AGAP1: variants seen among roughly 807,000 people sequenced by gnomAD.
AGAP1 encodes the protein arf-GAP with GTPase, ANK repeat and PH domain-containing protein 1.
Under a neutral mutation model 105.3 loss-of-function variants are expected in AGAP1, and 29 were observed. The observed-to-expected ratio is 0.28, with a 90% CI of 0.21 to 0.38. The LOEUF is 0.38. Among genes scored for constraint, AGAP1 ranks in the 10% least tolerant of loss-of-function variants. The pLI is 1.00. For synonymous variants in AGAP1, 509 were observed against 485.9 expected (o/e 1.05, Z -0.63); for missense variants, 998 against 1,165.1 (o/e 0.86, Z 2.09).
Position 235,608,648 on chromosome 2 carries a change from A to T in AGAP1, c.164-100531A>T, listed in dbSNP as rs1462463656. Among the ~76,000 whole-genome samples, 1 of 152,168 alleles carries T rather than the reference A, an allele frequency of 6.6e-6. No individual in the cohort carries two copies. Among genetic ancestry groups the T allele is most frequent in the African/African-American group, 2.4e-5 (1 of 41,428 alleles). ...GGGTCCCAGGCCCAGAAAACAGTGG[A>T]GCCAAGAGAGGAACGAGGTCTCTGG... is the stretch of plus-strand genomic sequence containing the variant. On this transcript the variant is annotated intron_variant, in intron 1 of 17. Transcript: ENST00000304032. The surrounding 1 kb of genome is among the most constrained non-coding windows in gnomAD (Gnocchi z 5.4).
chr2:235,933,466 A>C (rs1461399203), intron 12 of AGAP1, among the ~76,000 whole-genome samples: 1 of 152,204 alleles, frequency 6.6e-6, no homozygotes, highest in Non-Finnish European at 1.5e-5. Context: ...GAAAGACAGC[A>C]GAATGGTGCA....
At chr2:235,761,929 GT>G (rs1298993725) in intron 6 of AGAP1, among the ~76,000 whole-genome samples, 2 of 151,996 alleles carry the variant, frequency 1.3e-5, no homozygotes, top group Admixed American at 1.3e-4. Flanking sequence ...GGCCAACATG[GT>G]GAAACCCCAT....
In AGAP1 at chr2:235,604,740, G is replaced by A. The variant is rs373524486; in HGVS notation, c.164-104439G>A. Among the ~76,000 whole-genome samples the A allele has an allele frequency of 7.9e-5, 12 of 151,136 alleles. No individual in the cohort carries two copies. The South Asian group carries it at 1.7e-3, about 21-fold the overall frequency. On this transcript the variant is annotated intron_variant, in intron 1 of 17. Coordinates refer to ENST00000304032, the MANE Select transcript of AGAP1 (RefSeq NM_001037131.3). ...TGGGACTACAGGCGCCCGCTACCAC[G>A]CCTGGCTAATTTTTTGTATTTTTAG...
chr2:235,784,615 AAC>A (rs1491064578), intron 6 of AGAP1, among the ~76,000 whole-genome samples: 18 of 147,582 alleles, frequency 1.2e-4, no homozygotes, highest in East Asian at 4.1e-4. Flanking sequence ...AAAAAAAAAA[AAC>A]CATGAAAAGT....
At chr2:235,595,187 G>C in intron 1 of AGAP1, among the ~76,000 whole-genome samples, 1 of 152,174 alleles carries the variant, frequency 6.6e-6, no homozygotes, top group East Asian at 1.9e-4. Context: ...CAGCCTCCAG[G>C]GGAAGGGGAG....
At chr2:235,670,323 A>C (rs1319743819) in intron 1 of AGAP1, 9 of 475,232 alleles carry the variant, frequency 1.9e-5, no homozygotes, top group Non-Finnish European at 3.3e-5. Context: ...GAGGCCGAGG[A>C]GGCGGAGGGC....
chr2:235,834,630 A>G (rs778480450), intron 9 of AGAP1, among the ~76,000 whole-genome samples: 29 of 152,302 alleles, frequency 1.9e-4, no homozygotes, highest in Admixed American at 3.9e-4. Flanking sequence ...TGGAGTTCAC[A>G]TTCATTTTCA....
chr2:235,643,431 CAAAAAAAAAAAAAAAAAAA>C (rs56146940), intron 1 of AGAP1, among the ~76,000 whole-genome samples: 2 of 61,404 alleles, frequency 3.3e-5, no homozygotes, highest in African/African-American at 1.4e-4. Flanking sequence ...GACTGGGTCT[CAAAAAAAAAAAAAAAAAAA>C]AAAAAAAAAA....
chr2:235,850,587 C>G (rs77217185), intron 9 of AGAP1, among the ~76,000 whole-genome samples: 25 of 152,354 alleles, frequency 1.6e-4, no homozygotes, highest in Non-Finnish European at 2.6e-4. Context: ...GGTGTTGCTT[C>G]TTGGTTTCCT....
intron 9 of AGAP1, among the ~76,000 whole-genome samples, chr2:235,856,095 G>T (rs2048673215): frequency 2.0e-5 from 3 of 151,986 alleles, no homozygotes; most frequent in Admixed American, 2.0e-4. Flanking sequence ...TGTATTTTTA[G>T]TAGAGGCGGG....
chr2:235,830,321 T>C lies in AGAP1; in HGVS notation c.1050+22990T>C, dbSNP rs1959216140. Reference sequence around the variant, plus strand: ...TTTTAAAAGTCAGATGGAATTTGTCTTCATATTTTGCTCATGTCAGTGAGG... The same window carrying C: ...TTTTAAAAGTCAGATGGAATTTGTCCTCATATTTTGCTCATGTCAGTGAGG... On this transcript the variant is annotated intron_variant, in intron 9 of 17. Coordinates refer to ENST00000304032, the MANE Select transcript of AGAP1 (RefSeq NM_001037131.3). This position sits in a 1 kb window ranked among gnomAD's most constrained non-coding sequence, Gnocchi z 5.5. Among the ~76,000 whole-genome samples, 1 of 152,226 alleles carries C rather than the reference T, an allele frequency of 6.6e-6. No individual in the cohort carries two copies. Among genetic ancestry groups the C allele is most frequent in the South Asian group, 2.1e-4 (1 of 4,832 alleles).
At chr2:235,670,141 C>T (rs1948301715) in intron 1 of AGAP1, 2 of 581,814 alleles carry the variant, frequency 3.4e-6, no homozygotes, top group Non-Finnish European at 6.3e-6. Context: ...CGTCGCCACC[C>T]GCGGACGCGA....
chr2:235,839,864 T>A (rs1017745708), intron 9 of AGAP1, among the ~76,000 whole-genome samples: 1 of 152,202 alleles, frequency 6.6e-6, no homozygotes, highest in African/African-American at 2.4e-5. Context: ...TAGCCTGATT[T>A]CCACTCAGAA....
At position 236,056,696 on chromosome 2, in the gene AGAP1, C is replaced by T. The variant is rs907650932; in HGVS notation, c.2114+7415C>T. Among the ~76,000 whole-genome samples the T allele has an allele frequency of 6.6e-6, 1 of 152,170 alleles. No individual in the cohort carries two copies. The highest frequency in any genetic ancestry group is 1.5e-5 in the Non-Finnish European group (1 of 68,042). On this transcript the variant is annotated intron_variant, in intron 16 of 17. Transcript: ENST00000304032. This position sits in a 1 kb window ranked among gnomAD's most constrained non-coding sequence, Gnocchi z 4.6. Reference sequence around the variant, plus strand: ...TCTCTGTCTTCTAGTGAACTTTTCTCTTTCTTCTTCTTAATGAAGAGGAGG... The same window carrying T: ...TCTCTGTCTTCTAGTGAACTTTTCTTTTTCTTCTTCTTAATGAAGAGGAGG...
chr2:235,982,579 C>T lies in AGAP1; in HGVS notation c.1645+13956C>T, dbSNP rs948994374. On this transcript the variant is annotated intron_variant, in intron 13 of 17. Coordinates refer to ENST00000304032, the MANE Select transcript of AGAP1 (RefSeq NM_001037131.3). The surrounding 1 kb of genome is among the most constrained non-coding windows in gnomAD (Gnocchi z 4.9). The stretch of plus-strand genomic sequence containing the variant: ...GATAAGAATTTTCAACCTTCCTCTT[C>T]GTTGTCTGCTCTCCCAGGCTCATTG... Among the ~76,000 whole-genome samples the T allele has an allele frequency of 4.6e-5, 7 of 152,178 alleles. No homozygotes were observed. The highest frequency in any genetic ancestry group is 2.1e-4 in the South Asian group (1 of 4,824).
rs1053812141 is a variant in AGAP1, at chr2:236,044,171, C to T, written c.1891+3330C>T. On this transcript the variant is annotated intron_variant, in intron 15 of 17. Coordinates refer to ENST00000304032, the MANE Select transcript of AGAP1 (RefSeq NM_001037131.3). This position sits in a 1 kb window ranked among gnomAD's most constrained non-coding sequence, Gnocchi z 5.7. ...CCGACTCCCAGGAAGTTGCAGCCTTCGGACACCTGTGCTTCCGGGGAGTAC... is the reference window on the plus strand; with the variant it reads ...CCGACTCCCAGGAAGTTGCAGCCTTTGGACACCTGTGCTTCCGGGGAGTAC... Among the ~76,000 whole-genome samples the T allele has an allele frequency of 2.6e-5, 4 of 152,164 alleles. No individual in the cohort carries two copies. Among genetic ancestry groups the T allele is most frequent in the Non-Finnish European group, 4.4e-5 (3 of 68,018 alleles).
intron 13 of AGAP1, among the ~76,000 whole-genome samples, chr2:235,996,889 CT>C (rs2055839356): frequency 6.6e-6 from 1 of 152,184 alleles, no homozygotes; most frequent in Admixed American, 6.5e-5. Flanking sequence ...AATTTTTTCA[CT>C]TTTTCACTCA....
intron 1 of AGAP1, among the ~76,000 whole-genome samples, chr2:235,703,564 C>T (rs1406710985): frequency 7.4e-5 from 7 of 94,868 alleles, no homozygotes; most frequent in African/African-American, 2.7e-4. Flanking sequence ...CCCCCTCCTT[C>T]CCCTCCCCCG....
chr2:235,837,529 C>T (rs1278293284), intron 9 of AGAP1, among the ~76,000 whole-genome samples: 1 of 152,036 alleles, frequency 6.6e-6, no homozygotes, highest in African/African-American at 2.4e-5. Context: ...CTCAGGCAAA[C>T]CCCTAGACCT....
Sources: allele counts gnomAD v4.1 joint callset (sites outside exome capture counted in the v4.1 genomes callset), GRCh38; gene constraint gnomAD v4.1.1; non-coding constraint Gnocchi (gnomAD v3.1); transcripts MANE v1.5; gene names NCBI Gene and HGNC (gene_info 2026-07-23, HGNC 2026-07-21).